FLT1: variants seen among roughly 807,000 people sequenced by gnomAD.
The protein encoded by FLT1 is fms related receptor tyrosine kinase 1.
A neutral mutation model predicts 156.3 loss-of-function variants in FLT1; 49 were observed. The observed-to-expected ratio is 0.31, with a 90% CI of 0.25 to 0.40. The LOEUF is 0.40. Ranked by LOEUF, FLT1 falls within the 10% of genes least tolerant of loss-of-function variation. The pLI, the probability that FLT1 is intolerant of heterozygous loss-of-function variation, is 1.00. For missense variants in FLT1, 1,322 were observed against 1,637.2 expected (o/e 0.81, Z 3.32); for synonymous variants, 594 against 583.8 (o/e 1.02, Z -0.25).
intron 11 of FLT1, 45 bp from the exon 12 acceptor site, chr13:28,397,113 T>G (rs895468860): frequency 1.8e-6 from 2 of 1,090,084 alleles, no homozygotes; most frequent in Non-Finnish European, 2.8e-6. Context: ...GACAAATAAC[T>G]AATTGAACAC....
At position 28,427,290 on chromosome 13, in the gene FLT1, C is replaced by T. The variant is rs1176073510; in HGVS notation, c.1305G>A (p.Val435=). 1.2e-6 allele frequency: 2 copies of T among 1,613,908 alleles called. No homozygotes were observed. The highest frequency in any genetic ancestry group is 4.5e-5 in the East Asian group (2 of 44,884). ...NVKPQIYEKA[V]SSFPDPALYP... ...AGAGAGCCGGGTCTGGAAACGATGA[C>T]ACGGCCTTTTCGTAAATCTGGGGTT... Residue 435 remains valine, a synonymous_variant, in exon 10 of 30, where the codon GTG becomes GTA. Coordinates refer to ENST00000282397, the MANE Select transcript of FLT1 (RefSeq NM_002019.4).
At chr13:28,425,832 T>C (rs1877308378) in intron 10 of FLT1, among the ~76,000 whole-genome samples, 2 of 152,208 alleles carry the variant, frequency 1.3e-5, no homozygotes, top group South Asian at 4.1e-4. Context: ...CAAAATAGTA[T>C]AGAATTTCAG....
chr13:28,462,600 A>T (rs1278652792), intron 3 of FLT1, among the ~76,000 whole-genome samples: 1 of 152,244 alleles, frequency 6.6e-6, no homozygotes, highest in East Asian at 1.9e-4. Context: ...CAAAAGCCAT[A>T]CCAAGGGTAT....
intron 4 of FLT1, among the ~76,000 whole-genome samples, chr13:28,437,263 G>A (rs1351890938): frequency 1.3e-5 from 2 of 152,206 alleles, no homozygotes; most frequent in African/African-American, 4.8e-5. Context: ...AGGCCTACGT[G>A]AGTAACAACC....
intron 14 of FLT1, among the ~76,000 whole-genome samples, chr13:28,374,722 C>T (rs997525654): frequency 3.3e-5 from 5 of 152,020 alleles, no homozygotes; most frequent in African/African-American, 4.8e-5. Context: ...ACCGTGTTAG[C>T]CAGGATGGTC....
Position 28,300,528 on chromosome 13 carries a change from CACACA to C in FLT1, c.*2634_*2638del, listed in dbSNP as rs1870468298. 4.7e-4 allele frequency: 13 copies of C among 27,706 alleles called. No individual in the cohort carries two copies. The South Asian group carries it at 0.032, about 68-fold the overall frequency. The allele number at this position is 27,706 out of a possible 1,614,324, so 1.7% of individuals were successfully genotyped here. A position where few individuals can be genotyped will look rare whatever the true frequency, so the allele number is the denominator to read the frequency against. On this transcript the variant is annotated 3_prime_UTR_variant, in exon 30 of 30. Transcript: ENST00000282397. The stretch of plus-strand genomic sequence containing the variant: ...CACAAAACACACATACACCCACACA[CACACA>C]CACACACACACACACACACACACAT...
chr13:28,412,404 C>CTTTCTTTCCTTCTTTCTTTCTTTCTTTT, intron 10 of FLT1, among the ~76,000 whole-genome samples: 25 of 136,068 alleles, frequency 1.8e-4, no homozygotes, highest in Middle Eastern at 3.6e-3. Flanking sequence ...TTCTTTCTTT[C>CTTTCTTTCCTTCTTTCTTTCTTTCTTTT]TTTCTTCTCT....
chr13:28,483,286 C>T (rs536819202), intron 1 of FLT1, among the ~76,000 whole-genome samples: 12 of 152,142 alleles, frequency 7.9e-5, no homozygotes, highest in Non-Finnish European at 1.3e-4. Context: ...CTAGCATATC[C>T]CTGCCTCCCC....
intron 3 of FLT1, among the ~76,000 whole-genome samples, chr13:28,450,694 A>C (rs1453606906): frequency 1.3e-5 from 2 of 152,204 alleles, no homozygotes; most frequent in Non-Finnish European, 2.9e-5. Flanking sequence ...TCTGCCTCTG[A>C]ATCATAACAT....
chr13:28,415,826 A>T (rs1452053234), intron 10 of FLT1, among the ~76,000 whole-genome samples: 1 of 152,246 alleles, frequency 6.6e-6, no homozygotes, highest in Non-Finnish European at 1.5e-5. Flanking sequence ...AATCTGAAAC[A>T]GCCACCATTT....
At chr13:28,473,660 A>G (rs1401299966) in intron 1 of FLT1, among the ~76,000 whole-genome samples, 1 of 138,504 alleles carries the variant, frequency 7.2e-6, no homozygotes, top group Non-Finnish European at 1.5e-5. Context: ...AAAGAAAGAA[A>G]GAAAGAAAGA....
At chr13:28,425,888 G>C (rs1877310966) in intron 10 of FLT1, among the ~76,000 whole-genome samples, 1 of 152,100 alleles carries the variant, frequency 6.6e-6, no homozygotes, top group Non-Finnish European at 1.5e-5. Context: ...TGGTAAAGAA[G>C]ATATTTAAGA....
At position 28,389,897 on chromosome 13, in the gene FLT1, A is replaced by G; in HGVS notation, c.1868T>C (p.Ile623Thr). 6.2e-7 allele frequency: 1 copy of G among 1,614,104 alleles called. No homozygotes were observed. Among genetic ancestry groups the G allele is most frequent in the Non-Finnish European group, 8.5e-7 (1 of 1,180,022 alleles). Residue 623 changes from isoleucine (I) to threonine (T), a missense_variant, in exon 13 of 30, where the codon ATC becomes ACC. Ile to Thr is a moderately conservative substitution (Grantham distance 89, BLOSUM62 -1). Coordinates refer to ENST00000282397, the MANE Select transcript of FLT1 (RefSeq NM_002019.4). ...TGAATCTTGCAGGGAAACATTCATG[A>G]TGGTAAGATTAAGAGTGATGGAGTG... The part of the protein sequence containing the change: ...KEHSITLNLT[I>T]MNVSLQDSGT...
At chr13:28,443,347 A>G (rs1357581075) in intron 3 of FLT1, among the ~76,000 whole-genome samples, 5 of 152,238 alleles carry the variant, frequency 3.3e-5, no homozygotes, top group Admixed American at 3.3e-4. Context: ...ATGCTGGCAC[A>G]TTGAAGCATA....
intron 3 of FLT1, among the ~76,000 whole-genome samples, chr13:28,456,333 GA>G: frequency 6.6e-6 from 1 of 151,726 alleles, no homozygotes; most frequent in South Asian, 2.1e-4. Flanking sequence ...TTATATGATG[GA>G]ATATTATTCA....
At chr13:28,339,976 A>G (rs983530304) in intron 16 of FLT1, among the ~76,000 whole-genome samples, 19 of 152,210 alleles carry the variant, frequency 1.2e-4, no homozygotes, top group African/African-American at 4.1e-4. Context: ...GCACTTTAAA[A>G]GGCTGAGGTG....
intron 24 of FLT1, among the ~76,000 whole-genome samples, chr13:28,318,043 C>G (rs553596279): frequency 1.3e-5 from 2 of 152,064 alleles, no homozygotes; most frequent in Non-Finnish European, 2.9e-5. Context: ...ACTGCAGCCT[C>G]GAACTCCTGG....
chr13:28,404,366 TCTC>T (rs112509411), intron 11 of FLT1, among the ~76,000 whole-genome samples: 2,230 of 152,338 alleles, frequency 0.015, 46 homozygotes, highest in African/African-American at 0.051. Context: ...GGTTTGAGTC[TCTC>T]ATTTATACTT....
intron 10 of FLT1, among the ~76,000 whole-genome samples, chr13:28,406,372 G>A (rs1875801161): frequency 1.3e-5 from 2 of 152,164 alleles, no homozygotes; most frequent in South Asian, 4.1e-4. Context: ...TCATGAAACA[G>A]TTATTAAATT....
Sources: allele counts gnomAD v4.1 joint callset (sites outside exome capture counted in the v4.1 genomes callset), GRCh38; gene constraint gnomAD v4.1.1; transcripts MANE v1.5; gene names NCBI Gene and HGNC (gene_info 2026-07-23, HGNC 2026-07-21).